The following CLIP4 variants were observed in gnomAD, a reference collection of about 807,000 sequenced individuals.
CLIP4 encodes CAP-Gly domain containing linker protein family member 4.
Under a neutral mutation model 73.1 loss-of-function variants are expected in CLIP4, and 47 were observed. The ratio of observed to expected loss-of-function variants is 0.64; its 90% confidence interval spans 0.51 to 0.82. The LOEUF (loss-of-function observed/expected upper bound fraction) is 0.82, where lower values mean the gene tolerates loss of function less well. CLIP4 is among the 40% of genes least tolerant of loss of function. The probability of loss-of-function intolerance (pLI) is 0.00; values close to 1 mark genes in which losing one functional copy is unlikely to be tolerated. For missense variants in CLIP4, 874 were observed against 852.9 expected (o/e 1.02, Z -0.31); for synonymous variants, 306 against 295.4 (o/e 1.04, Z -0.37).
rs980233646 is a variant in CLIP4, at chr2:29,168,680, G to A, written c.1723+1140G>A. 1.8e-4 allele frequency among the ~76,000 whole-genome samples: 27 copies of A among 151,336 alleles called. 1 individual carries two copies. Among genetic ancestry groups the A allele is most frequent in the Non-Finnish European group, 3.2e-4 (22 of 67,814 alleles). On this transcript the variant is annotated intron_variant, in intron 14 of 15. Coordinates refer to ENST00000320081, the MANE Select transcript of CLIP4 (RefSeq NM_024692.6). ...TGGCACTACAAGCACCTGCCACCAC[G>A]CCCGGCTAATTTTTTGTATTTTTAG...
chr2:29,107,994 CTT>C (rs540853343), intron 1 of CLIP4, among the ~76,000 whole-genome samples: 1 of 145,546 alleles, frequency 6.9e-6, no homozygotes. Context: ...CTTGGAGTTT[CTT>C]TTTTTTTTTT....
intron 8 of CLIP4, among the ~76,000 whole-genome samples, chr2:29,148,124 T>C (rs779976807): frequency 3.3e-5 from 5 of 152,136 alleles, no homozygotes; most frequent in Non-Finnish European, 7.3e-5. Context: ...AAAGGCAAGT[T>C]GTGGGGCAGG....
intron 2 of CLIP4, among the ~76,000 whole-genome samples, chr2:29,124,561 T>C (rs1378680734): frequency 1.3e-5 from 2 of 152,178 alleles, no homozygotes; most frequent in African/African-American, 4.8e-5. Context: ...TTTCAGATAC[T>C]GTAATTGCAT....
chr2:29,142,850 G>C (rs1572939729), intron 6 of CLIP4, among the ~76,000 whole-genome samples: 2 of 152,190 alleles, frequency 1.3e-5, no homozygotes, highest in Non-Finnish European at 2.9e-5. Context: ...TTTTTGGTTA[G>C]GGAATGTAAG....
Position 29,143,711 on chromosome 2 carries a change from T to C in CLIP4, c.651T>C (p.Asn217=), listed in dbSNP as rs879195153. 3 of 1,597,970 alleles carry C rather than the reference T, an allele frequency of 1.9e-6. No individual in the cohort carries two copies. The highest frequency in any genetic ancestry group is 1.7e-4 in the Middle Eastern group (1 of 6,020). The change falls in exon 7 of 16, where the codon AAT becomes AAC. Residue 217 remains asparagine (N), a splice_region_variant and synonymous_variant. Coordinates refer to ENST00000320081, the MANE Select transcript of CLIP4 (RefSeq NM_024692.6). ...LEQGANPAFR[N]DKGQIPADVV... is the part of the protein sequence containing the mutation. The stretch of plus-strand genomic sequence containing the variant: ...TTTTCTCTTATCTTTATTTGTAGAA[T>C]GACAAAGGACAGATCCCTGCTGATG...
chr2:29,174,245 C>G, intron 14 of CLIP4, 128 bp from the exon 15 acceptor site: 1 of 828,654 alleles, frequency 1.2e-6, no homozygotes, highest in Non-Finnish European at 1.9e-6. Flanking sequence ...AGCCACCATG[C>G]CAGCCTGCTG....
At chr2:29,111,630 A>G (rs1668388798), upstream of CLIP4, among the ~76,000 whole-genome samples, 1 of 152,182 alleles carries the variant, frequency 6.6e-6, no homozygotes, top group Non-Finnish European at 1.5e-5. Flanking sequence ...AAAATATTTT[A>G]TATTGACTTC....
At chr2:29,122,629 A>G (rs1252864135) in intron 2 of CLIP4, among the ~76,000 whole-genome samples, 2 of 152,030 alleles carry the variant, frequency 1.3e-5, no homozygotes, top group Non-Finnish European at 2.9e-5. Flanking sequence ...GACATTTTGC[A>G]TAACTGGAAT....
intron 15 of CLIP4, among the ~76,000 whole-genome samples, chr2:29,178,018 G>T (rs1405739133): frequency 6.6e-6 from 1 of 151,996 alleles, no homozygotes; most frequent in Non-Finnish European, 1.5e-5. Context: ...TTATTTACTT[G>T]TTTCTTTAAA....
chr2:29,126,796 A>G (rs1020250501), intron 2 of CLIP4, among the ~76,000 whole-genome samples: 8 of 152,204 alleles, frequency 5.3e-5, no homozygotes, highest in Admixed American at 2.6e-4. Context: ...CGATTTGTCT[A>G]AAGTTTACAT....
At chr2:29,140,610 G>A (rs12714267) in intron 6 of CLIP4, among the ~76,000 whole-genome samples, 36,079 of 151,982 alleles carry the variant, frequency 0.24, 4,994 homozygotes, top group African/African-American at 0.39. Flanking sequence ...TGGGATGGCT[G>A]GGTCAAATGG....
chr2:29,160,887 G>A (rs1305665652), intron 12 of CLIP4, among the ~76,000 whole-genome samples: 1 of 152,028 alleles, frequency 6.6e-6, no homozygotes, highest in Non-Finnish European at 1.5e-5. Context: ...CAAAATACAT[G>A]TTTTTGGGGC....
chr2:29,145,123 T>G (rs565832402), intron 7 of CLIP4, 109 bp from the exon 8 acceptor site: 2 of 875,158 alleles, frequency 2.3e-6, no homozygotes, highest in Non-Finnish European at 3.4e-6. Context: ...AAATTCACTT[T>G]GAGAGAGTGA....
In CLIP4 at chr2:29,131,394, T is replaced by A. The variant is rs767535341; in HGVS notation, c.270T>A (p.Asn90Lys). The change falls in exon 3 of 16, where the codon AAT becomes AAA. Residue 90 changes from asparagine to lysine, a missense_variant. Coordinates refer to ENST00000320081, the MANE Select transcript of CLIP4 (RefSeq NM_024692.6). Reference protein sequence around the residue: ...QVQQNIDIIGNEILKRGCNVN... With the variant: ...QVQQNIDIIGKEILKRGCNVN... ...AACAAAACATTGACATTATTGGAAA[T>A]GAGGTAAGGAATTCTTACATTTTAA... 9 of 1,591,922 alleles carry A rather than the reference T, an allele frequency of 5.7e-6. No individual in the cohort carries two copies. The highest frequency in any genetic ancestry group is 3.7e-5 in the Admixed American group (2 of 54,674).
chr2:29,126,031 C>T (rs148400458), intron 2 of CLIP4, among the ~76,000 whole-genome samples: 379 of 152,042 alleles, frequency 2.5e-3, no homozygotes, highest in African/African-American at 8.6e-3. Flanking sequence ...AAAAATTAGC[C>T]GTGTGTGGTG....
At chr2:29,120,229 A>G (rs563270240) in intron 1 of CLIP4, among the ~76,000 whole-genome samples, 129 of 152,310 alleles carry the variant, frequency 8.5e-4, no homozygotes, top group African/African-American at 3.0e-3. Context: ...CTAATATATA[A>G]CATCTATATC....
intron 14 of CLIP4, among the ~76,000 whole-genome samples, chr2:29,171,679 C>T (rs56197179): frequency 0.023 from 3,571 of 152,034 alleles, 129 homozygotes; most frequent in African/African-American, 0.08. Context: ...CCACCACGCC[C>T]GGCTAATATT....
Position 29,181,698 on chromosome 2 carries a change from G to A in CLIP4, c.1923G>A (p.Arg641=), listed in dbSNP as rs773376837. The A allele has an allele frequency of 1.9e-6, 3 of 1,614,062 alleles. No individual in the cohort carries two copies. Among genetic ancestry groups the A allele is most frequent in the East Asian group, 4.5e-5 (2 of 44,890 alleles). ...LTSSNEMGTV[R]YVGPTDFASG... is the part of the protein sequence containing the mutation. Reference sequence around the variant, plus strand: ...GCTCCAATGAGATGGGTACTGTTAGGTATGTGGGCCCCACTGACTTTGCTT... The same window carrying A: ...GCTCCAATGAGATGGGTACTGTTAGATATGTGGGCCCCACTGACTTTGCTT... The change falls in exon 16 of 16, where the codon AGG becomes AGA. Residue 641 remains arginine, a synonymous_variant. Transcript: ENST00000320081.
At chr2:29,130,531 A>T (rs910322171) in intron 2 of CLIP4, 1 of 635,072 alleles carries the variant, frequency 1.6e-6, no homozygotes, top group African/African-American at 2.0e-5. Context: ...TGTTTTGGAG[A>T]ATAGGTCCTT....
Sources: gnomAD v4.1 joint callset for allele counts (sites outside exome capture counted in the v4.1 genomes callset) on GRCh38, gnomAD v4.1.1 for gene constraint, MANE v1.5 for transcripts, NCBI Gene and HGNC (gene_info 2026-07-23, HGNC 2026-07-21) for gene names.